DNER: variants seen among roughly 807,000 people sequenced by gnomAD.
DNER encodes the protein delta and Notch-like epidermal growth factor-related receptor.
A neutral mutation model predicts 78.2 loss-of-function variants in DNER; 33 were observed. That is an observed-to-expected ratio of 0.42 (90% CI 0.32 to 0.56). The LOEUF is 0.56. DNER is among the 20% of genes least tolerant of loss of function. The probability of loss-of-function intolerance (pLI) is 0.11; values close to 1 mark genes in which losing one functional copy is unlikely to be tolerated. For synonymous variants in DNER, 417 were observed against 384.8 expected, an observed-to-expected ratio of 1.08 and a Z score of -0.98; for missense variants, 918 against 975.3, an observed-to-expected ratio of 0.94 and a Z score of 0.78.
chr2:229,492,955 G>C (rs1467540504), intron 6 of DNER, among the ~76,000 whole-genome samples: 1 of 152,158 alleles, frequency 6.6e-6, no homozygotes, highest in Non-Finnish European at 1.5e-5. Flanking sequence ...AGAGACCTGA[G>C]CCACCACACC....
At chr2:229,535,179 A>G (rs1373827457) in intron 5 of DNER, among the ~76,000 whole-genome samples, 1 of 152,216 alleles carries the variant, frequency 6.6e-6, no homozygotes, top group Non-Finnish European at 1.5e-5. Context: ...ATTAAATATC[A>G]ATAGATATAA....
At chr2:229,485,925 C>A (rs1231610010) in intron 6 of DNER, among the ~76,000 whole-genome samples, 1 of 152,248 alleles carries the variant, frequency 6.6e-6, no homozygotes, top group Non-Finnish European at 1.5e-5. Context: ...GCGACGAGAG[C>A]TATTTTTAAC....
Position 229,389,342 on chromosome 2 carries a change from A to G in DNER, c.1724-946T>C, listed in dbSNP as rs111943381. The stretch of plus-strand genomic sequence containing the variant: ...TCAAGTGATTTTAAAGCCATCATTA[A>G]GAGTCATTACAAAACGCATACACCT... On this transcript the variant is annotated intron_variant, in intron 10 of 12. Coordinates refer to ENST00000341772, the MANE Select transcript of DNER (RefSeq NM_139072.4). Among the ~76,000 whole-genome samples the G allele has an allele frequency of 4.8e-3, 726 of 151,936 alleles. 36 individuals carry two copies. The highest frequency in any genetic ancestry group is 0.017 in the African/African-American group (692 of 41,236).
intron 1 of DNER, among the ~76,000 whole-genome samples, chr2:229,704,640 G>A (rs1488033146): frequency 6.6e-6 from 1 of 152,198 alleles, no homozygotes; most frequent in African/African-American, 2.4e-5. Flanking sequence ...ATGGAAATCA[G>A]ACCAGTGGCT....
intron 11 of DNER, among the ~76,000 whole-genome samples, chr2:229,372,464 G>A (rs1692506298): frequency 6.6e-6 from 1 of 152,194 alleles, no homozygotes; most frequent in Non-Finnish European, 1.5e-5. Flanking sequence ...CCTGTGGGAG[G>A]GGGGTGAGGG....
intron 6 of DNER, 47 bp downstream of exon 6, chr2:229,512,736 C>T (rs2154212300): frequency 3.1e-6 from 5 of 1,600,458 alleles, no homozygotes; most frequent in African/African-American, 1.3e-5. Context: ...GAGGTGCATG[C>T]TGTACAGACA....
chr2:229,554,517 C>G (rs1476640748), intron 4 of DNER, among the ~76,000 whole-genome samples: 1 of 152,144 alleles, frequency 6.6e-6, no homozygotes, highest in Non-Finnish European at 1.5e-5. Flanking sequence ...CATGCTGAAA[C>G]TCCATCTGTA....
chr2:229,431,318 A>G (rs1191944343), intron 8 of DNER, among the ~76,000 whole-genome samples: 1 of 152,200 alleles, frequency 6.6e-6, no homozygotes, highest in Non-Finnish European at 1.5e-5. Context: ...AGAAATTGGC[A>G]GTGAACCTGC....
chr2:229,456,518 T>C (rs965891703), intron 7 of DNER, among the ~76,000 whole-genome samples: 5 of 151,930 alleles, frequency 3.3e-5, no homozygotes, highest in Admixed American at 3.3e-4. Context: ...CTTTTTGTCC[T>C]AACATCCATC....
chr2:229,643,032 A>T (rs1450710330), intron 1 of DNER, among the ~76,000 whole-genome samples: 2 of 152,066 alleles, frequency 1.3e-5, no homozygotes, highest in East Asian at 3.9e-4. Flanking sequence ...GTCTCGAGAG[A>T]TGGTGAAACC....
intron 8 of DNER, among the ~76,000 whole-genome samples, chr2:229,421,226 C>T (rs1410995364): frequency 6.6e-6 from 1 of 152,022 alleles, no homozygotes. Flanking sequence ...AATAGTCAAA[C>T]TCACAGAAGC....
At chr2:229,420,951 G>A (rs976333579) in intron 8 of DNER, among the ~76,000 whole-genome samples, 22 of 152,200 alleles carry the variant, frequency 1.4e-4, no homozygotes, top group Admixed American at 7.2e-4. Context: ...AGGATCTGGA[G>A]AAGGTAATAG....
chr2:229,707,038 CAG>C (rs1699839197), intron 1 of DNER, among the ~76,000 whole-genome samples: 2 of 152,146 alleles, frequency 1.3e-5, no homozygotes, highest in South Asian at 4.2e-4. Context: ...TCCCCCGAGA[CAG>C]AGTCTCGCTT....
At position 229,594,987 on chromosome 2, in the gene DNER, A is replaced by C. The variant is rs1431132354; in HGVS notation, c.277-3099T>G. 1.7e-5 allele frequency among the ~76,000 whole-genome samples: 2 copies of C among 116,970 alleles called. 1 individual carries two copies. The highest frequency in any genetic ancestry group is 5.3e-4 in the East Asian group (2 of 3,752). 76.7% of individuals were successfully genotyped at this position (116,970 alleles called of 152,430 possible). On this transcript the variant is annotated intron_variant, in intron 1 of 12. Transcript: ENST00000341772. ...AAAAAAAAAAAAAAAAAAAAAAAAA[A>C]ACTCTAAATCTGTCCTAGAGAGTCT...
intron 8 of DNER, 32 bp from the exon 9 acceptor site, chr2:229,418,262 A>G: frequency 6.2e-7 from 1 of 1,613,016 alleles, no homozygotes; most frequent in East Asian, 2.2e-5. Flanking sequence ...CCACTGTCAA[A>G]TGCATCCCAT....
rs532408751 is a variant in DNER at position 229,566,137 on chromosome 2, C to T, written c.848-19045G>A. Among the ~76,000 whole-genome samples the T allele has an allele frequency of 3.9e-5, 6 of 152,256 alleles. No individual in the cohort carries two copies. The South Asian group carries it at 1.2e-3, about 32-fold the overall frequency. ...ATTGGGCTGCAGATGACTTCATAAACGTTAGGGAGTCCGGGAATCAGGTCT... is the reference window on the plus strand; with the variant it reads ...ATTGGGCTGCAGATGACTTCATAAATGTTAGGGAGTCCGGGAATCAGGTCT... On this transcript the variant is annotated intron_variant, in intron 4 of 12. Coordinates refer to ENST00000341772, the MANE Select transcript of DNER (RefSeq NM_139072.4).
At chr2:229,697,178 A>G (rs1699675138) in intron 1 of DNER, among the ~76,000 whole-genome samples, 1 of 152,236 alleles carries the variant, frequency 6.6e-6, no homozygotes, top group African/African-American at 2.4e-5. Flanking sequence ...AAAAGCAATG[A>G]AGTATGGATA....
chr2:229,691,351 C>T (rs1338635072), intron 1 of DNER, among the ~76,000 whole-genome samples: 2 of 151,992 alleles, frequency 1.3e-5, no homozygotes, highest in Non-Finnish European at 2.9e-5. Flanking sequence ...TTTATTTCTA[C>T]CACATCGCAG....
intron 1 of DNER, among the ~76,000 whole-genome samples, chr2:229,658,627 T>A (rs190806861): frequency 4.6e-4 from 70 of 152,334 alleles, no homozygotes; most frequent in African/African-American, 1.5e-3. Context: ...GGGAGGGAGT[T>A]GTTTTTATTT....
Sources: gnomAD v4.1 joint callset for allele counts (sites outside exome capture counted in the v4.1 genomes callset) on GRCh38, gnomAD v4.1.1 for gene constraint, MANE v1.5 for transcripts, NCBI Gene and HGNC (gene_info 2026-07-23, HGNC 2026-07-21) for gene names.